KCTD1: variants seen among roughly 807,000 people sequenced by gnomAD.
The protein encoded by KCTD1 is BTB/POZ domain-containing protein KCTD1.
In KCTD1, 24 loss-of-function variants were observed where a neutral mutation model predicts 66.0. That is an observed-to-expected ratio of 0.36 (90% CI 0.26 to 0.51). The LOEUF (loss-of-function observed/expected upper bound fraction) is 0.51, where lower values mean the gene tolerates loss of function less well. Among genes scored for constraint, KCTD1 ranks in the 20% least tolerant of loss-of-function variants. The pLI is 0.95. For missense variants in KCTD1, 943 were observed against 1,205.2 expected, an observed-to-expected ratio of 0.78 and a Z score of 3.22; for synonymous variants, 511 against 517.2, an observed-to-expected ratio of 0.99 and a Z score of 0.16.
chr18:26,470,551 C>T (rs1246132605), intron 3 of KCTD1, among the ~76,000 whole-genome samples: 1 of 152,246 alleles, frequency 6.6e-6, no homozygotes, highest in Non-Finnish European at 1.5e-5. Flanking sequence ...AGAAAGCTTC[C>T]TGGTCCTCGA....
chr18:26,651,906 G>T (rs754777367), intron 1 of KCTD1, among the ~76,000 whole-genome samples: 1 of 152,104 alleles, frequency 6.6e-6, no homozygotes, highest in Non-Finnish European at 1.5e-5. Flanking sequence ...TTTCGGGCAT[G>T]TTACCTAGGG....
At chr18:26,644,119 T>C (rs146767542), upstream of KCTD1, among the ~76,000 whole-genome samples, 2,730 of 152,298 alleles carry the variant, frequency 0.018, 49 homozygotes, top group South Asian at 0.05. Flanking sequence ...CCCTAGAAAG[T>C]ACACTCTGTG....
chr18:26,611,708 G>T (rs1231861521), intron 1 of KCTD1, among the ~76,000 whole-genome samples: 1 of 152,106 alleles, frequency 6.6e-6, no homozygotes, highest in African/African-American at 2.4e-5. Flanking sequence ...GTTCTGGATT[G>T]GTTTTCATTG....
At chr18:26,638,870 TAA>T (rs1568017434) in intron 1 of KCTD1, among the ~76,000 whole-genome samples, 1 of 152,230 alleles carries the variant, frequency 6.6e-6, no homozygotes, top group Admixed American at 6.5e-5. Context: ...ATGCTGTCCT[TAA>T]AAAAGTCTTG....
At chr18:26,551,857 G>C (rs1183177975), upstream of KCTD1, among the ~76,000 whole-genome samples, 5 of 152,180 alleles carry the variant, frequency 3.3e-5, no homozygotes, top group African/African-American at 1.2e-4. Context: ...CTATCAGGCA[G>C]CATCCAATTC....
intron 1 of KCTD1, among the ~76,000 whole-genome samples, chr18:26,582,177 T>G (rs1598951517): frequency 6.7e-6 from 1 of 149,982 alleles, no homozygotes; most frequent in African/African-American, 2.5e-5. Context: ...GAGGCTGAGG[T>G]GAGAGGATCA....
upstream of KCTD1, chr18:26,548,697 G>A (rs1985403419): frequency 2.0e-6 from 2 of 999,728 alleles, no homozygotes; most frequent in African/African-American, 1.7e-5. Flanking sequence ...GCTCCGGAGG[G>A]GCAGCGGCGC....
At chr18:26,485,314 A>G (rs1343529250) in intron 2 of KCTD1, among the ~76,000 whole-genome samples, 1 of 152,146 alleles carries the variant, frequency 6.6e-6, no homozygotes, top group Non-Finnish European at 1.5e-5. Flanking sequence ...AGAATTCACA[A>G]CCAGGCAGCT....
chr18:26,540,872 G>A (rs1010186206), intron 1 of KCTD1, among the ~76,000 whole-genome samples: 6 of 152,180 alleles, frequency 3.9e-5, no homozygotes, highest in African/African-American at 1.4e-4. Context: ...TTGACTGCAG[G>A]GGGTTGGTGT....
intron 1 of KCTD1, among the ~76,000 whole-genome samples, chr18:26,518,087 A>G (rs551476292): frequency 3.9e-5 from 6 of 152,338 alleles, no homozygotes; most frequent in Admixed American, 2.0e-4. Context: ...CATCTCTAGC[A>G]CAGAGCAAGA....
chr18:26,462,058 C>T (rs1980463487), intron 3 of KCTD1, among the ~76,000 whole-genome samples: 1 of 152,190 alleles, frequency 6.6e-6, no homozygotes, highest in Admixed American at 6.5e-5. Flanking sequence ...GTTAGAAGTC[C>T]TCCCCATGCT....
At position 26,501,170 on chromosome 18, in the gene KCTD1, T is replaced by A. The variant is rs760338786; in HGVS notation, c.1890A>T (p.Pro630=). ...GCGCATTGGATTTTGTGAGTTGTGCTGGAGTAGGGATGCCTTGGTTGTTCA... is the reference window on the plus strand; with the variant it reads ...GCGCATTGGATTTTGTGAGTTGTGCAGGAGTAGGGATGCCTTGGTTGTTCA... ...SPLNNQGIPT[P]AQLTKSNAPV... is the part of the protein sequence containing the mutation. The change falls in exon 2 of 5, where the codon CCA becomes CCT. Residue 630 remains proline, a synonymous_variant. Transcript: ENST00000580059. 6.2e-6 allele frequency: 10 copies of A among 1,614,072 alleles called. No individual in the cohort carries two copies. The highest frequency in any genetic ancestry group is 8.5e-6 in the Non-Finnish European group (10 of 1,180,036).
intron 1 of KCTD1, among the ~76,000 whole-genome samples, chr18:26,520,239 C>T (rs893140614): frequency 3.9e-5 from 6 of 152,200 alleles, no homozygotes; most frequent in African/African-American, 1.2e-4. Flanking sequence ...AGCTGAGAAG[C>T]ACCTGGTAAG....
At chr18:26,570,191 A>AAAAAAATATAT (rs776923644) in intron 1 of KCTD1, among the ~76,000 whole-genome samples, 105 of 132,540 alleles carry the variant, frequency 7.9e-4, no homozygotes, top group East Asian at 2.2e-3. Flanking sequence ...ATCTAAAAAA[A>AAAAAAATATAT]ATATATATAT....
chr18:26,539,719 A>T (rs1483371013), intron 1 of KCTD1, among the ~76,000 whole-genome samples: 1 of 152,224 alleles, frequency 6.6e-6, no homozygotes, highest in Non-Finnish European at 1.5e-5. Flanking sequence ...CATAACAGCC[A>T]GGAATGTGGA....
chr18:26,581,070 G>T (rs1299907793), intron 1 of KCTD1: 1 of 152,060 alleles, frequency 6.6e-6, no homozygotes, highest in Non-Finnish European at 1.5e-5. Context: ...ATAACATTTT[G>T]GTATGTGTTG....
intron 1 of KCTD1, among the ~76,000 whole-genome samples, chr18:26,604,864 C>T (rs1401923826): frequency 6.6e-6 from 1 of 152,062 alleles, no homozygotes; most frequent in Admixed American, 6.6e-5. Context: ...TGTAACAAAC[C>T]TTCACATATA....
intron 1 of KCTD1, chr18:26,600,028 A>C: frequency 6.2e-7 from 1 of 1,611,602 alleles, no homozygotes; most frequent in Non-Finnish European, 8.5e-7. Flanking sequence ...GGAGGACGAC[A>C]GCATGGATCT....
chr18:26,615,347 G>A (rs1039631025), intron 1 of KCTD1, among the ~76,000 whole-genome samples: 1 of 152,170 alleles, frequency 6.6e-6, no homozygotes, highest in African/African-American at 2.4e-5. Context: ...CAAAGCTACT[G>A]GAGAAAAACA....
Sources: allele counts gnomAD v4.1 joint callset (sites outside exome capture counted in the v4.1 genomes callset), GRCh38; gene constraint gnomAD v4.1.1; transcripts MANE v1.5; gene names NCBI Gene and HGNC (gene_info 2026-07-23, HGNC 2026-07-21).